Variants in TLE4 observed in about 807,000 individuals in gnomAD.
The protein encoded by TLE4 is transducin-like enhancer protein 4.
Under a neutral mutation model 92.8 loss-of-function variants are expected in TLE4, and 8 were observed. The ratio of observed to expected loss-of-function variants is 0.09; its 90% confidence interval spans 0.05 to 0.16. TLE4 has a LOEUF of 0.16. Among genes scored for constraint, TLE4 ranks in the 10% least tolerant of loss-of-function variants. TLE4 has a pLI of 1.00. For missense variants in TLE4, 675 were observed against 997.6 expected (o/e 0.68, Z 4.36); for synonymous variants, 371 against 374.1 (o/e 0.99, Z 0.10).
At chr9:79,651,610 A>T (rs1206122271) in intron 6 of TLE4, among the ~76,000 whole-genome samples, 1 of 152,214 alleles carries the variant, frequency 6.6e-6, no homozygotes, top group African/African-American at 2.4e-5. Context: ...AGCATCACTA[A>T]ACGTGCACAG....
rs1235463867 is a variant in TLE4 at position 79,704,915 on chromosome 9, A to AG, written c.729+13_729+14insG. On this transcript the variant is annotated intron_variant, in intron 9 of 19. Transcript: ENST00000376552. ...TGCAGCTCGTTATGTAAGTTCATTC[A>AG]CCTTTGTGTTAGGGGAGGCCAGCTT... 1 of 1,613,724 alleles carries AG rather than the reference A, an allele frequency of 6.2e-7. No homozygotes were observed.
intron 8 of TLE4, among the ~76,000 whole-genome samples, chr9:79,660,025 A>G (rs1014253347): frequency 1.3e-5 from 2 of 152,192 alleles, no homozygotes; most frequent in African/African-American, 4.8e-5. Flanking sequence ...AGACAAACCT[A>G]GATTTCATTC....
In TLE4 at chr9:79,573,769, A is replaced by G. The variant is rs2036716002; in HGVS notation, c.126A>G (p.Leu42=). ...CDRIKEEFQF[L]QAQYHSLKLE... ...GGATTAAGGAAGAGTTTCAGTTTTT[A>G]CAGGCTCAATACCACAGGTAACGAT... The change falls in exon 2 of 20, where the codon TTA becomes TTG. Residue 42 remains leucine (L), a synonymous_variant. Coordinates refer to ENST00000376552, the MANE Select transcript of TLE4 (RefSeq NM_007005.6). 6.2e-7 allele frequency: 1 copy of G among 1,600,270 alleles called. No individual in the cohort carries two copies. The highest frequency in any genetic ancestry group is 1.3e-5 in the African/African-American group (1 of 74,880).
chr9:79,667,647 G>A (rs2061622393), intron 8 of TLE4, among the ~76,000 whole-genome samples: 1 of 152,090 alleles, frequency 6.6e-6, no homozygotes, highest in Non-Finnish European at 1.5e-5. Context: ...CTGCCTATTG[G>A]AAGTGCTTGT....
At chr9:79,701,216 C>T (rs567632874) in intron 8 of TLE4, among the ~76,000 whole-genome samples, 6 of 152,216 alleles carry the variant, frequency 3.9e-5, no homozygotes, top group East Asian at 1.9e-4. Context: ...GCTGATTGCC[C>T]CAGTGCCCAC....
At chr9:79,627,508 C>T (rs2052925637) in intron 6 of TLE4, 60 bp downstream of exon 6, 11 of 1,535,462 alleles carry the variant, frequency 7.2e-6, no homozygotes, top group Admixed American at 3.5e-5. Flanking sequence ...CTCTCGCTCT[C>T]TCTTTTTACA....
chr9:79,601,558 C>A (rs1303491377), intron 4 of TLE4: 3 of 443,168 alleles, frequency 6.8e-6, no homozygotes, highest in Non-Finnish European at 1.4e-5. Flanking sequence ...TTATCTGTTA[C>A]ATGATTTGTG....
At chr9:79,629,083 G>A (rs2053508847) in intron 6 of TLE4, among the ~76,000 whole-genome samples, 1 of 152,152 alleles carries the variant, frequency 6.6e-6, no homozygotes, top group Non-Finnish European at 1.5e-5. Context: ...TCCCTGATAG[G>A]AGAGGTTGCT....
Position 79,718,915 on chromosome 9 carries a change from G to C in TLE4, c.1534G>C (p.Val512Leu), listed in dbSNP as rs1302322004. The C allele has an allele frequency of 3.1e-6, 5 of 1,613,944 alleles. No individual in the cohort carries two copies. Among genetic ancestry groups the C allele is most frequent in the Non-Finnish European group, 4.2e-6 (5 of 1,179,838 alleles). ...CACGGGTGGGAAGGGCTGCGTCAAG[G>C]TCTGGGACATCAGCCACCCAGGCAA... is the stretch of plus-strand genomic sequence containing the variant. ...VYTGGKGCVK[V>L]WDISHPGNKS... Residue 512 changes from valine (V) to leucine (L), a missense_variant, in exon 15 of 20, where the codon GTC becomes CTC. Val to Leu is a conservative substitution (Grantham distance 32). Around this residue, in one of 5 missense-constraint regions of TLE4, gnomAD observed 170 missense variants for 359.6 expected, o/e 0.47. Transcript: ENST00000376552.
chr9:79,723,075 A>AT, intron 19 of TLE4, 40 bp downstream of exon 19: 3 of 1,572,968 alleles, frequency 1.9e-6, no homozygotes, highest in Non-Finnish European at 2.6e-6. Flanking sequence ...TGTTTGTTTA[A>AT]TCAAACTCTC....
intron 4 of TLE4, among the ~76,000 whole-genome samples, chr9:79,610,647 T>C (rs2048158361): frequency 6.6e-6 from 1 of 152,076 alleles, no homozygotes; most frequent in Admixed American, 6.6e-5. Context: ...TAACGGAAGT[T>C]TGGAAGGTTT....
chr9:79,600,291 G>T (rs1048145152), intron 4 of TLE4, among the ~76,000 whole-genome samples: 1 of 152,154 alleles, frequency 6.6e-6, no homozygotes, highest in Non-Finnish European at 1.5e-5. Context: ...AAAAGTGGAT[G>T]TGAGCCTGAT....
chr9:79,603,326 C>T (rs1404973541), intron 4 of TLE4, among the ~76,000 whole-genome samples: 1 of 152,084 alleles, frequency 6.6e-6, no homozygotes, highest in Non-Finnish European at 1.5e-5. Flanking sequence ...CCAGTGCTAA[C>T]AAGCTTAATT....
At position 79,595,896 on chromosome 9, in the gene TLE4, G is replaced by C. The variant is rs539566465; in HGVS notation, c.253-16760G>C. On this transcript the variant is annotated intron_variant, in intron 4 of 19. Coordinates refer to ENST00000376552, the MANE Select transcript of TLE4 (RefSeq NM_007005.6). ...CGGAGTCTTGCTGTCACCCAGGCTG[G>C]AGTGCAGTGGCACGATCTCAGCTCA... is the stretch of plus-strand genomic sequence containing the variant. 7.3e-5 allele frequency among the ~76,000 whole-genome samples: 11 copies of C among 150,238 alleles called. No individual in the cohort carries two copies. The East Asian group carries it at 2.2e-3, about 30-fold the overall frequency.
chr9:79,694,558 T>G (rs1225413075), intron 8 of TLE4, among the ~76,000 whole-genome samples: 1 of 152,184 alleles, frequency 6.6e-6, no homozygotes, highest in African/African-American at 2.4e-5. Flanking sequence ...TCATTTATTT[T>G]CATTCCTCAG....
At chr9:79,654,617 GT>G (rs1814370553) in intron 8 of TLE4, among the ~76,000 whole-genome samples, 2 of 151,000 alleles carry the variant, frequency 1.3e-5, no homozygotes, top group Non-Finnish European at 2.9e-5. Context: ...TTCTCTTTAG[GT>G]TTTGCATCTG....
At chr9:79,572,960 C>A in intron 1 of TLE4, 125 bp downstream of exon 1, 1 of 1,056,828 alleles carries the variant, frequency 9.5e-7, no homozygotes, top group Non-Finnish European at 1.3e-6. Context: ...CGGCGCCCCG[C>A]GCCGGGAGCA....
intron 6 of TLE4, among the ~76,000 whole-genome samples, chr9:79,628,991 A>G (rs553970615): frequency 5.3e-5 from 8 of 151,878 alleles, no homozygotes; most frequent in African/African-American, 1.7e-4. Flanking sequence ...TTTGTTACCA[A>G]ATCTTCCAGG....
At chr9:79,590,634 T>C (rs916691891) in intron 4 of TLE4, among the ~76,000 whole-genome samples, 1 of 152,220 alleles carries the variant, frequency 6.6e-6, no homozygotes, top group Non-Finnish European at 1.5e-5. Flanking sequence ...AGGGTTTTTT[T>C]ATAATCTAAG....
Sources: gnomAD v4.1 joint callset for allele counts (sites outside exome capture counted in the v4.1 genomes callset) on GRCh38, gnomAD v4.1.1 for gene constraint, gnomAD v4.1.1 regional missense constraint, MANE v1.5 for transcripts, NCBI Gene and HGNC (gene_info 2026-07-23, HGNC 2026-07-21) for gene names.